Variants in SOX5 observed in about 807,000 individuals in gnomAD.
SOX5 encodes SRY-box transcription factor 5.
Under a neutral mutation model 92.0 loss-of-function variants are expected in SOX5, and 9 were observed. The observed-to-expected ratio is 0.10, with a 90% CI of 0.06 to 0.17. The LOEUF (loss-of-function observed/expected upper bound fraction) is 0.17, where lower values mean the gene tolerates loss of function less well. Among genes scored for constraint, SOX5 ranks in the 10% least tolerant of loss-of-function variants. The pLI is 1.00. For synonymous variants in SOX5, 344 were observed against 336.3 expected, an observed-to-expected ratio of 1.02 and a Z score of -0.25; for missense variants, 642 against 944.5, an observed-to-expected ratio of 0.68 and a Z score of 4.20.
chr12:24,494,918 A>G (rs1947462853), intron 1 of SOX5, among the ~76,000 whole-genome samples: 1 of 152,186 alleles, frequency 6.6e-6, no homozygotes, highest in Admixed American at 6.5e-5. Flanking sequence ...TGGGGTGCCA[A>G]TTAGGGTTGG....
At chr12:24,134,825 G>C (rs182324811) in intron 4 of SOX5, among the ~76,000 whole-genome samples, 8 of 152,190 alleles carry the variant, frequency 5.3e-5, no homozygotes, top group Admixed American at 5.2e-4. Context: ...TGAACATAAG[G>C]AGAACAGTAT....
intron 11 of SOX5, among the ~76,000 whole-genome samples, chr12:23,562,541 G>A (rs1297529390): frequency 6.6e-6 from 1 of 152,032 alleles, no homozygotes; most frequent in East Asian, 1.9e-4. Context: ...AAAGCGCACT[G>A]GGTAACATTT....
chr12:23,922,513 G>A lies in SOX5; in HGVS notation c.39-26489C>T, dbSNP rs1595671997. Reference sequence around the variant, plus strand: ...AACAGGAAATCCACCTGCATTCATGGGTCACTTGTGTCTTACAAATATTAC... The same window carrying A: ...AACAGGAAATCCACCTGCATTCATGAGTCACTTGTGTCTTACAAATATTAC... On this transcript the variant is annotated intron_variant, in intron 1 of 14. Coordinates refer to ENST00000451604, the MANE Select transcript of SOX5 (RefSeq NM_006940.6). Among the ~76,000 whole-genome samples, 4 of 152,178 alleles carry A rather than the reference G, an allele frequency of 2.6e-5. No homozygotes were observed. The South Asian group carries it at 8.3e-4, about 32-fold the overall frequency.
At chr12:24,222,521 AT>A (rs1960724608) in intron 3 of SOX5, among the ~76,000 whole-genome samples, 1 of 152,138 alleles carries the variant, frequency 6.6e-6, no homozygotes, top group East Asian at 1.9e-4. Context: ...TGAAGACTGA[AT>A]GTGGGTGGAG....
At chr12:23,960,507 T>TTATATACATATATATA (rs1458613355) in intron 4 of SOX5, among the ~76,000 whole-genome samples, 2 of 118,654 alleles carry the variant, frequency 1.7e-5, no homozygotes, top group African/African-American at 5.7e-5. Flanking sequence ...ACATATATAT[T>TTATATACATATATATA]TATATACATA....
chr12:23,898,736 C>T (rs916921616), intron 1 of SOX5, among the ~76,000 whole-genome samples: 4 of 152,162 alleles, frequency 2.6e-5, no homozygotes, highest in Admixed American at 2.6e-4. Flanking sequence ...GTCATGATGC[C>T]GGAAGGCAAC....
intron 1 of SOX5, among the ~76,000 whole-genome samples, chr12:24,375,134 A>G (rs1304560665): frequency 1.3e-5 from 2 of 151,624 alleles, no homozygotes; most frequent in African/African-American, 2.4e-5. Context: ...CACTACGCCC[A>G]GCTAATTTTT....
chr12:24,501,590 C>T (rs1948210571), intron 1 of SOX5, among the ~76,000 whole-genome samples: 1 of 152,086 alleles, frequency 6.6e-6, no homozygotes, highest in Non-Finnish European at 1.5e-5. Flanking sequence ...CTTTGGGAGG[C>T]TGAGGTGAGC....
chr12:24,220,686 G>T (rs1960194515), intron 3 of SOX5, among the ~76,000 whole-genome samples: 1 of 152,070 alleles, frequency 6.6e-6, no homozygotes, highest in South Asian at 2.1e-4. Flanking sequence ...CCATCCAATT[G>T]GAAGTATCTA....
chr12:24,104,644 C>T (rs1302312508), intron 4 of SOX5, among the ~76,000 whole-genome samples: 5 of 152,184 alleles, frequency 3.3e-5, no homozygotes. Flanking sequence ...TACTATTCTG[C>T]TTTCCCATCA....
intron 1 of SOX5, among the ~76,000 whole-genome samples, chr12:24,418,904 T>G (rs767499584): frequency 1.3e-5 from 2 of 152,100 alleles, no homozygotes; most frequent in Non-Finnish European, 2.9e-5. Flanking sequence ...AAAGCACCAG[T>G]CCAGGTTGAT....
chr12:24,236,483 A>G (rs1482298335), intron 3 of SOX5, among the ~76,000 whole-genome samples: 4 of 152,212 alleles, frequency 2.6e-5, no homozygotes, highest in Non-Finnish European at 5.9e-5. Context: ...GCAAGCTAGC[A>G]TGGAAGAAAT....
At chr12:23,827,967 T>C (rs1276012518) in intron 3 of SOX5, among the ~76,000 whole-genome samples, 4 of 152,182 alleles carry the variant, frequency 2.6e-5, no homozygotes, top group Non-Finnish European at 5.9e-5. Context: ...TTATTATTAT[T>C]TTCAAATGGT....
At chr12:23,736,705 T>C (rs2093609919) in intron 5 of SOX5, among the ~76,000 whole-genome samples, 1 of 151,038 alleles carries the variant, frequency 6.6e-6, no homozygotes, top group African/African-American at 2.4e-5. Context: ...TTTTTTTTTT[T>C]TGAGACAGAG....
At chr12:24,389,080 A>G (rs554462817) in intron 1 of SOX5, among the ~76,000 whole-genome samples, 26 of 152,116 alleles carry the variant, frequency 1.7e-4, no homozygotes, top group African/African-American at 6.0e-4. Context: ...AGCATTAGGT[A>G]TATCTCCTAA....
intron 4 of SOX5, among the ~76,000 whole-genome samples, chr12:23,985,350 G>C (rs1475218329): frequency 6.6e-6 from 1 of 152,028 alleles, no homozygotes; most frequent in East Asian, 1.9e-4. Context: ...CTGGCCTCAA[G>C]TGATCCTTCT....
intron 4 of SOX5, among the ~76,000 whole-genome samples, chr12:24,071,865 G>A (rs1249161711): frequency 1.3e-5 from 2 of 152,220 alleles, no homozygotes; most frequent in Non-Finnish European, 2.9e-5. Flanking sequence ...GCTAGGCAAA[G>A]TTGTTTATCA....
At chr12:24,438,337 G>T (rs1428264459) in intron 1 of SOX5, among the ~76,000 whole-genome samples, 3 of 152,054 alleles carry the variant, frequency 2.0e-5, no homozygotes, top group Non-Finnish European at 4.4e-5. Context: ...TGTAGATGAT[G>T]GGTTGATGGG....
chr12:24,426,580 G>C (rs1438766796), intron 1 of SOX5, among the ~76,000 whole-genome samples: 1 of 152,128 alleles, frequency 6.6e-6, no homozygotes, highest in East Asian at 1.9e-4. Context: ...TTGTAAGTTA[G>C]GATTCAAAGG....
Sources: allele counts gnomAD v4.1 joint callset (sites outside exome capture counted in the v4.1 genomes callset), GRCh38; gene constraint gnomAD v4.1.1; transcripts MANE v1.5; gene names NCBI Gene and HGNC (gene_info 2026-07-23, HGNC 2026-07-21).